Variants in ERCC6L2 observed in about 807,000 individuals in gnomAD.
ERCC6L2 encodes ERCC excision repair 6 like 2, also known as DNA excision repair protein ERCC-6-like 2.
A neutral mutation model predicts 132.0 loss-of-function variants in ERCC6L2; 77 were observed. The observed-to-expected ratio is 0.58, with a 90% CI of 0.49 to 0.71. ERCC6L2 has a LOEUF of 0.71. Ranked by LOEUF, ERCC6L2 falls within the 30% of genes least tolerant of loss-of-function variation. ERCC6L2 has a pLI of 0.00. For synonymous variants in ERCC6L2, 583 were observed against 632.4 expected, an observed-to-expected ratio of 0.92 and a Z score of 1.17; for missense variants, 1,542 against 1,837.6, an observed-to-expected ratio of 0.84 and a Z score of 2.94.
At chr9:95,933,517 T>C (rs1318562563) in intron 11 of ERCC6L2, among the ~76,000 whole-genome samples, 4 of 152,152 alleles carry the variant, frequency 2.6e-5, no homozygotes. Context: ...GTCAATTTTC[T>C]CGCCTGAAAA....
intron 3 of ERCC6L2, among the ~76,000 whole-genome samples, chr9:95,898,874 A>G (rs75514263): frequency 0.18 from 27,087 of 152,110 alleles, 2,501 homozygotes; most frequent in South Asian, 0.28. Flanking sequence ...TATAATTGCT[A>G]TCATTTTAAA....
Position 96,017,703 on chromosome 9 carries a change from G to A in ERCC6L2, c.*4500G>A, listed in dbSNP as rs1030459778. Among the ~76,000 whole-genome samples the A allele has an allele frequency of 3.9e-5, 6 of 152,086 alleles. No individual in the cohort carries two copies. The highest frequency in any genetic ancestry group is 1.2e-4 in the African/African-American group (5 of 41,388). On this transcript the variant is annotated 3_prime_UTR_variant, in exon 19 of 19. Coordinates refer to ENST00000653738, the MANE Select transcript of ERCC6L2 (RefSeq NM_020207.7). ...CAGTTGCCCCACCACGACTTCCAGC[G>A]CCCCCCATCTCTGTATGCAGCTGAG...
Position 96,014,134 on chromosome 9 carries a change from G to A in ERCC6L2, c.*931G>A, listed in dbSNP as rs554912654. 6.6e-6 allele frequency: 1 copy of A among 152,342 alleles called. No homozygotes were observed. Among genetic ancestry groups the A allele is most frequent in the African/African-American group, 2.4e-5 (1 of 41,574 alleles). 9.4% of individuals were successfully genotyped at this position (152,342 alleles called of 1,614,324 possible). ...AGGTAAGGCAGAGCTACCGGTGAAT[G>A]AAAGGAAATCATGTCAGTGAAAAAT... On this transcript the variant is annotated 3_prime_UTR_variant, in exon 19 of 19. Transcript: ENST00000653738.
At chr9:95,986,492 C>A (rs548031428) in intron 17 of ERCC6L2, among the ~76,000 whole-genome samples, 13 of 139,790 alleles carry the variant, frequency 9.3e-5, no homozygotes, top group African/African-American at 3.5e-4. Context: ...TCATATATCT[C>A]TCTCCTTTTT....
Position 96,015,667 on chromosome 9 carries a change from G to C in ERCC6L2, c.*2464G>C, listed in dbSNP as rs1834171476. The stretch of plus-strand genomic sequence containing the variant: ...AAAATACAAAAATTAGCCAGGCGTG[G>C]TGGTGGGCGCCTGTAGTCCCAGCTA... On this transcript the variant is annotated 3_prime_UTR_variant, in exon 19 of 19. Transcript: ENST00000653738. Among the ~76,000 whole-genome samples, 1 of 151,752 alleles carries C rather than the reference G, an allele frequency of 6.6e-6. No individual in the cohort carries two copies. Among genetic ancestry groups the C allele is most frequent in the Non-Finnish European group, 1.5e-5 (1 of 67,922 alleles).
intron 17 of ERCC6L2, among the ~76,000 whole-genome samples, chr9:96,002,485 G>A (rs1313023048): frequency 4.7e-5 from 7 of 149,456 alleles, no homozygotes; most frequent in African/African-American, 1.5e-4. Context: ...GCAGTGGCAC[G>A]ATCTTGGCTC....
chr9:96,018,645 T>TTC, downstream of ERCC6L2, among the ~76,000 whole-genome samples: 1 of 151,898 alleles, frequency 6.6e-6, no homozygotes, highest in East Asian at 1.9e-4. Flanking sequence ...ATTTTTTTTT[T>TTC]TTTTTTTAGA....
At chr9:95,969,974 C>G (rs1832339171) in intron 14 of ERCC6L2, among the ~76,000 whole-genome samples, 1 of 152,128 alleles carries the variant, frequency 6.6e-6, no homozygotes, top group African/African-American at 2.4e-5. Flanking sequence ...AGAACTTCTG[C>G]TAAATGATAC....
At chr9:95,903,983 G>A (rs1336893694) in intron 3 of ERCC6L2, among the ~76,000 whole-genome samples, 1 of 151,934 alleles carries the variant, frequency 6.6e-6, no homozygotes, top group Admixed American at 6.6e-5. Flanking sequence ...TTTATACAAA[G>A]GACTTGGAAG....
Position 95,916,439 on chromosome 9 carries a change from G to A in ERCC6L2, c.1158+5G>A. Reference sequence around the variant, plus strand: ...TTGCCTAAGAAGGAAGACCGGGTAAGAACCGCATTTGTATATATTATTAAT... The same window carrying A: ...TTGCCTAAGAAGGAAGACCGGGTAAAAACCGCATTTGTATATATTATTAAT... On this transcript the variant is annotated splice_donor_5th_base_variant and intron_variant, in intron 6 of 18. Coordinates refer to ENST00000653738, the MANE Select transcript of ERCC6L2 (RefSeq NM_020207.7). 1 of 1,543,234 alleles carries A rather than the reference G, an allele frequency of 6.5e-7. No individual in the cohort carries two copies. The highest frequency in any genetic ancestry group is 2.2e-5 in the Admixed American group (1 of 44,818).
chr9:95,942,090 T>C (rs1199131407), intron 12 of ERCC6L2, among the ~76,000 whole-genome samples: 3 of 152,172 alleles, frequency 2.0e-5, no homozygotes, highest in African/African-American at 7.2e-5. Context: ...TGATTAAAGC[T>C]GAAAGAATAA....
chr9:95,961,666 T>C (rs1339297050), intron 13 of ERCC6L2, among the ~76,000 whole-genome samples: 1 of 152,114 alleles, frequency 6.6e-6, no homozygotes, highest in East Asian at 1.9e-4. Flanking sequence ...GGAGCATATG[T>C]TTGCCATATA....
chr9:95,915,101 C>A (rs983071047), intron 4 of ERCC6L2, among the ~76,000 whole-genome samples: 1 of 152,152 alleles, frequency 6.6e-6, no homozygotes, highest in Non-Finnish European at 1.5e-5. Context: ...TCTTTAGATA[C>A]ATCTGTGCTT....
chr9:96,021,455 C>G, downstream of ERCC6L2: 1 of 210,050 alleles, frequency 4.8e-6, no homozygotes, highest in South Asian at 7.5e-5. This position sits in a 1 kb window ranked among gnomAD's most constrained non-coding sequence, Gnocchi z 4.7. Context: ...GCGGCGCAGC[C>G]CTCTGCGGGG....
chr9:95,974,109 A>G (rs948543710), intron 16 of ERCC6L2, among the ~76,000 whole-genome samples: 4 of 152,188 alleles, frequency 2.6e-5, no homozygotes, highest in Admixed American at 6.5e-5. Context: ...TGATCCTAGC[A>G]GCCATTGATA....
intron 3 of ERCC6L2, among the ~76,000 whole-genome samples, chr9:95,904,280 T>C (rs1828924286): frequency 1.3e-5 from 2 of 152,310 alleles, no homozygotes; most frequent in African/African-American, 2.4e-5. Context: ...GTTTCAACTC[T>C]ACTGTAATCT....
intron 17 of ERCC6L2, among the ~76,000 whole-genome samples, chr9:95,984,601 A>AG (rs1210180776): frequency 6.6e-6 from 1 of 152,120 alleles, no homozygotes; most frequent in Non-Finnish European, 1.5e-5. Flanking sequence ...TGATTATTCT[A>AG]AAGTATGACT....
At chr9:96,034,198 G>A (rs141496849) in intron 19 of ERCC6L2, among the ~76,000 whole-genome samples, 61 of 152,342 alleles carry the variant, frequency 4.0e-4, no homozygotes, top group Non-Finnish European at 7.3e-4. Context: ...AGGGGGGTCC[G>A]GCTGACGTTC....
In ERCC6L2 at chr9:96,017,707, C is replaced by T. The variant is rs1391651587; in HGVS notation, c.*4504C>T. 6.6e-6 allele frequency among the ~76,000 whole-genome samples: 1 copy of T among 152,204 alleles called. No homozygotes were observed. The highest frequency in any genetic ancestry group is 2.4e-5 in the African/African-American group (1 of 41,452). ...TGCCCCACCACGACTTCCAGCGCCCCCCATCTCTGTATGCAGCTGAGCTCA... is the reference window on the plus strand; with the variant it reads ...TGCCCCACCACGACTTCCAGCGCCCTCCATCTCTGTATGCAGCTGAGCTCA... On this transcript the variant is annotated 3_prime_UTR_variant, in exon 19 of 19. Coordinates refer to ENST00000653738, the MANE Select transcript of ERCC6L2 (RefSeq NM_020207.7).
Sources: allele counts gnomAD v4.1 joint callset (sites outside exome capture counted in the v4.1 genomes callset), GRCh38; gene constraint gnomAD v4.1.1; non-coding constraint Gnocchi (gnomAD v3.1); transcripts MANE v1.5; gene names NCBI Gene and HGNC (gene_info 2026-07-23, HGNC 2026-07-21).